Variants in SMAD2 observed in about 807,000 individuals in gnomAD.
The protein encoded by SMAD2 is SMAD family member 2, also known as MAD homolog 2.
SMAD2 carries 8 observed loss-of-function variants against 64.4 expected under a neutral mutation model. The observed-to-expected ratio is 0.12, with a 90% confidence interval of 0.07 to 0.22. The LOEUF (loss-of-function observed/expected upper bound fraction) is 0.22. Among genes scored for constraint, SMAD2 ranks in the 10% least tolerant of loss-of-function variants. The probability of loss-of-function intolerance (pLI) is 1.00; values close to 1 mark genes in which losing one functional copy is unlikely to be tolerated. For missense variants in SMAD2, 289 were observed against 561.2 expected, an observed-to-expected ratio of 0.51 and a Z score of 4.90; for synonymous variants, 203 against 195.8, an observed-to-expected ratio of 1.04 and a Z score of -0.31.
chr18:47,925,827 C>G (rs1187409780), intron 1 of SMAD2, among the ~76,000 whole-genome samples: 2 of 152,108 alleles, frequency 1.3e-5, no homozygotes, highest in East Asian at 1.9e-4. Flanking sequence ...GGTAAGGTTA[C>G]AAGAAAGGGG....
At chr18:47,920,409 T>C (rs2144540890) in intron 1 of SMAD2, among the ~76,000 whole-genome samples, 1 of 151,712 alleles carries the variant, frequency 6.6e-6, no homozygotes, top group Non-Finnish European at 1.5e-5. Flanking sequence ...TTTAACATTC[T>C]GTTTTTGTAC....
chr18:47,811,497 A>C lies in SMAD2; in HGVS notation c.*30330T>G, dbSNP rs1235446634. The C allele has an allele frequency of 6.6e-6, 1 of 151,246 alleles. No individual in the cohort carries two copies. The highest frequency in any genetic ancestry group is 1.5e-5 in the Non-Finnish European group (1 of 67,876). 9.4% of individuals were successfully genotyped at this position (151,246 alleles called of 1,614,324 possible). The stretch of plus-strand genomic sequence containing the variant: ...AAAAAAAAAAAAAAAAAAGAAAAAG[A>C]AATAAGGTAATTCTGAAATCCACAG... On this transcript the variant is annotated 3_prime_UTR_variant, in exon 11 of 11. Transcript: ENST00000262160.
rs886174943 is a variant in SMAD2, at chr18:47,811,861, T to C, written c.*29966A>G. The C allele has an allele frequency of 6.6e-6, 1 of 152,216 alleles. No individual in the cohort carries two copies. The highest frequency in any genetic ancestry group is 1.5e-5 in the Non-Finnish European group (1 of 68,040). 9.4% of individuals were successfully genotyped at this position (152,216 alleles called of 1,614,324 possible). A position where few individuals can be genotyped will look rare whatever the true frequency, so the allele number is the denominator to read the frequency against. On this transcript the variant is annotated 3_prime_UTR_variant, in exon 11 of 11. Coordinates refer to ENST00000262160, the MANE Select transcript of SMAD2 (RefSeq NM_005901.6). The stretch of plus-strand genomic sequence containing the variant: ...AGTCGATCAAGAAGCATTTATTGCA[T>C]GCCTACCATATATAAAGCACTGCTG...
intron 7 of SMAD2, among the ~76,000 whole-genome samples, chr18:47,849,008 A>G (rs962605592): frequency 2.0e-5 from 3 of 152,206 alleles, no homozygotes; most frequent in Non-Finnish European, 4.4e-5. Context: ...AATCATAGGC[A>G]AAGTCAGTCA....
chr18:47,930,304 CCGCGGA>C (rs1359654685), intron 1 of SMAD2, 51 bp downstream of exon 1: 2 of 152,362 alleles, frequency 1.3e-5, no homozygotes, highest in African/African-American at 2.4e-5. Context: ...ATCGCCCCGG[CCGCGGA>C]CGCACGCAAA....
In SMAD2 at chr18:47,880,030, T is replaced by A. The variant is rs190434245; in HGVS notation, c.237-9466A>T. Among the ~76,000 whole-genome samples the A allele has an allele frequency of 3.3e-3, 504 of 152,366 alleles. 3 individuals are homozygous for A. Among genetic ancestry groups the A allele is most frequent in the Non-Finnish European group, 5.6e-3 (380 of 68,024 alleles). On this transcript the variant is annotated intron_variant, in intron 2 of 10. Transcript: ENST00000262160. The stretch of plus-strand genomic sequence containing the variant: ...ATTTTAAAATTAGGCTATCTTTACA[T>A]TACTGAGTTATAGAAATCTTTATAA...
rs1375229756 is a variant in SMAD2 at position 47,930,585 on chromosome 18, G to A, written c.-278C>T. The A allele has an allele frequency of 6.7e-6, 1 of 149,896 alleles. No individual in the cohort carries two copies. Among genetic ancestry groups the A allele is most frequent in the Non-Finnish European group, 1.5e-5 (1 of 67,136 alleles). 9.3% of individuals were successfully genotyped at this position (149,896 alleles called of 1,614,324 possible). On this transcript the variant is annotated 5_prime_UTR_variant, in exon 1 of 11. Coordinates refer to ENST00000262160, the MANE Select transcript of SMAD2 (RefSeq NM_005901.6). Reference sequence around the variant, plus strand: ...GAGGGTAGGGGAAGAGAGGGGAGGGGAGGGGAGGAGAGGGAAGGGGAGGGG... The same window carrying A: ...GAGGGTAGGGGAAGAGAGGGGAGGGAAGGGGAGGAGAGGGAAGGGGAGGGG...
At chr18:47,912,858 C>CAAAAAA (rs566813544) in intron 1 of SMAD2, among the ~76,000 whole-genome samples, 1 of 59,230 alleles carries the variant, frequency 1.7e-5, no homozygotes, top group African/African-American at 5.3e-5. Flanking sequence ...GTATAAACAG[C>CAAAAAA]AAAAAAAAAA....
At chr18:47,901,578 ATTCTT>A (rs2033685650) in intron 1 of SMAD2, among the ~76,000 whole-genome samples, 1 of 151,536 alleles carries the variant, frequency 6.6e-6, no homozygotes. Context: ...CATTTGTTAC[ATTCTT>A]TTCTTTTAGT....
intron 2 of SMAD2, among the ~76,000 whole-genome samples, chr18:47,887,197 C>T (rs1046822637): frequency 2.6e-5 from 4 of 152,226 alleles, no homozygotes; most frequent in Admixed American, 6.5e-5. Flanking sequence ...GATTTCAACA[C>T]TTCCTAGTCA....
At chr18:47,873,034 ACAC>A (rs1321852831) in intron 2 of SMAD2, among the ~76,000 whole-genome samples, 4 of 152,060 alleles carry the variant, frequency 2.6e-5, no homozygotes. Flanking sequence ...GCTAATTTTA[ACAC>A]TTTTTGTAGA....
chr18:47,828,423 C>G lies in SMAD2; in HGVS notation c.*13404G>C, dbSNP rs1912855477. The stretch of plus-strand genomic sequence containing the variant: ...CCCCTCTGCCCGGCCGCCACCCTGT[C>G]TGGGAGGTGTACCCAACAGCTCATT... On this transcript the variant is annotated 3_prime_UTR_variant, in exon 11 of 11. Transcript: ENST00000262160. 6.2e-6 allele frequency: 1 copy of G among 162,412 alleles called. No homozygotes were observed. Among genetic ancestry groups the G allele is most frequent in the African/African-American group, 2.4e-5 (1 of 41,412 alleles). 10.1% of individuals were successfully genotyped at this position (162,412 alleles called of 1,614,324 possible). A position where few individuals can be genotyped will look rare whatever the true frequency, so the allele number is the denominator to read the frequency against.
At chr18:47,903,871 C>T (rs893152576) in intron 1 of SMAD2, among the ~76,000 whole-genome samples, 2 of 33,866 alleles carry the variant, frequency 5.9e-5, no homozygotes, top group African/African-American at 2.0e-4. Flanking sequence ...AGGGAAAAAA[C>T]AGTGTGGGGG....
At position 47,811,946 on chromosome 18, in the gene SMAD2, G is replaced by A. The variant is rs1022157394; in HGVS notation, c.*29881C>T. ...ATAAAAAGGAAATGTTTGGGAAAAA[G>A]TGATTTTAGCCTCTGACCTCAAGGT... On this transcript the variant is annotated 3_prime_UTR_variant, in exon 11 of 11. Transcript: ENST00000262160. 2 of 152,210 alleles carry A rather than the reference G, an allele frequency of 1.3e-5. No homozygotes were observed. The highest frequency in any genetic ancestry group is 2.9e-5 in the Non-Finnish European group (2 of 68,056). 9.4% of individuals were successfully genotyped at this position (152,210 alleles called of 1,614,324 possible). A position where few individuals can be genotyped will look rare whatever the true frequency, so the allele number is the denominator to read the frequency against.
chr18:47,891,247 G>GTGAGCCGAGATCCCGCCAC (rs1432219927), intron 2 of SMAD2, among the ~76,000 whole-genome samples: 2 of 152,206 alleles, frequency 1.3e-5, no homozygotes, highest in African/African-American at 4.8e-5. Flanking sequence ...GGAAGTTGCA[G>GTGAGCCGAGATCCCGCCAC]TGAGCCGAGA....
intron 1 of SMAD2, 67 bp downstream of exon 1, chr18:47,930,294 A>T (rs927351097): frequency 1.3e-5 from 2 of 152,108 alleles, no homozygotes; most frequent in African/African-American, 4.8e-5. Flanking sequence ...GACACGGCCC[A>T]TCGCCCCGGC....
intron 6 of SMAD2, among the ~76,000 whole-genome samples, chr18:47,856,656 G>A (rs535422828): frequency 2.6e-5 from 4 of 152,194 alleles, no homozygotes; most frequent in Non-Finnish European, 5.9e-5. Flanking sequence ...GACATATAGT[G>A]TAATAAACAA....
At position 47,838,306 on chromosome 18, in the gene SMAD2, T is replaced by G. The variant is rs1913626820; in HGVS notation, c.*3521A>C. 4.3e-6 allele frequency: 1 copy of G among 233,132 alleles called. No homozygotes were observed. The highest frequency in any genetic ancestry group is 8.5e-6 in the Non-Finnish European group (1 of 117,946). 14.4% of individuals were successfully genotyped at this position (233,132 alleles called of 1,614,324 possible). ...TAGGTATTAAACAATTTGTAAAAAC[T>G]TACAAAGAAAATTTAGCTTTCAAGA... is the stretch of plus-strand genomic sequence containing the variant. On this transcript the variant is annotated 3_prime_UTR_variant, in exon 11 of 11. Coordinates refer to ENST00000262160, the MANE Select transcript of SMAD2 (RefSeq NM_005901.6).
chr18:47,849,021 T>C (rs915725650), intron 7 of SMAD2, among the ~76,000 whole-genome samples: 6 of 152,220 alleles, frequency 3.9e-5, no homozygotes, highest in African/African-American at 1.4e-4. Context: ...GTCAGTCAAC[T>C]TGCCATACTT....
Sources: allele counts gnomAD v4.1 joint callset (sites outside exome capture counted in the v4.1 genomes callset), GRCh38; gene constraint gnomAD v4.1.1; transcripts MANE v1.5; gene names NCBI Gene and HGNC (gene_info 2026-07-23, HGNC 2026-07-21).